The following IQCE variants were observed in gnomAD, a reference collection of about 807,000 sequenced individuals.
IQCE encodes IQ domain-containing protein E.
Under a neutral mutation model 96.0 loss-of-function variants are expected in IQCE, and 115 were observed. That is an observed-to-expected ratio of 1.20 (90% CI 1.03 to 1.40). The LOEUF (loss-of-function observed/expected upper bound fraction) is 1.40. Among genes scored for constraint, IQCE ranks in the 40% most tolerant of loss-of-function variants. IQCE has a pLI of 0.00. For missense variants in IQCE, 1,041 were observed against 909.1 expected (o/e 1.15, Z -1.87); for synonymous variants, 412 against 371.2 (o/e 1.11, Z -1.26).
chr7:2,590,979 G>A (rs1446211687), intron 14 of IQCE, among the ~76,000 whole-genome samples: 7 of 150,076 alleles, frequency 4.7e-5, no homozygotes, highest in African/African-American at 1.7e-4. Flanking sequence ...CCAGCCTGAC[G>A]CAGTGGCTCA....
At chr7:2,578,805 G>A (rs1234682581) in intron 8 of IQCE, among the ~76,000 whole-genome samples, 2 of 152,082 alleles carry the variant, frequency 1.3e-5, no homozygotes, top group South Asian at 2.1e-4. Context: ...CTTAACAAGC[G>A]CTCCCAGCGC....
At chr7:2,596,831 T>C in intron 16 of IQCE, 1 of 399,226 alleles carries the variant, frequency 2.5e-6, no homozygotes, top group Non-Finnish European at 5.3e-6. Flanking sequence ...AGGCTCTTCT[T>C]AGGGTTACAA....
intron 6 of IQCE, among the ~76,000 whole-genome samples, chr7:2,577,280 C>T (rs562819777): frequency 7.2e-5 from 11 of 151,976 alleles, no homozygotes; most frequent in Admixed American, 4.6e-4. Flanking sequence ...GCGGTGTGTG[C>T]GCAGTGGCGT....
At chr7:2,567,822 G>C (rs963332889) in intron 2 of IQCE, among the ~76,000 whole-genome samples, 1 of 152,252 alleles carries the variant, frequency 6.6e-6, no homozygotes, top group Admixed American at 6.5e-5. Context: ...GGGAGCCTCA[G>C]CTCCACTGTC....
At chr7:2,571,986 A>G (rs1781784504) in intron 4 of IQCE, among the ~76,000 whole-genome samples, 1 of 152,128 alleles carries the variant, frequency 6.6e-6, no homozygotes, top group Non-Finnish European at 1.5e-5. Flanking sequence ...AAATATGTAT[A>G]CCGTGGAAAT....
chr7:2,577,890 C>G lies in IQCE; in HGVS notation c.466-352C>G, dbSNP rs1227076732. ...GCGCGGGGACGTGTGTGCGGCGTGC[C>G]CGCAGTGTCGTGTGCGTGGCTGTGC... On this transcript the variant is annotated intron_variant, in intron 6 of 21. Transcript: ENST00000402050. Among the ~76,000 whole-genome samples, 102 of 39,632 alleles carry G rather than the reference C, an allele frequency of 2.6e-3. 7 individuals carry two copies. The highest frequency in any genetic ancestry group is 3.4e-3 in the Admixed American group (11 of 3,194). 26.0% of individuals were successfully genotyped at this position (39,632 alleles called of 152,430 possible).
At chr7:2,587,751 T>TTCC in intron 12 of IQCE, 71 bp from the exon 13 acceptor site, 1 of 1,432,516 alleles carries the variant, frequency 7.0e-7, no homozygotes, top group Non-Finnish European at 9.8e-7. Flanking sequence ...CCTCAGGCCA[T>TTCC]ACCTGAGAAG....
intron 1 of IQCE, among the ~76,000 whole-genome samples, chr7:2,565,954 A>G (rs1583388822): frequency 1.3e-5 from 2 of 152,216 alleles, no homozygotes; most frequent in African/African-American, 4.8e-5. Flanking sequence ...GCAGCCAGGC[A>G]TTTCTAATAC....
chr7:2,578,392 G>A, intron 7 of IQCE, 37 bp downstream of exon 7: 1 of 1,611,250 alleles, frequency 6.2e-7, no homozygotes, highest in Non-Finnish European at 8.5e-7. Flanking sequence ...GGCAAGGGGA[G>A]GGTCCTCGGG....
intron 1 of IQCE, among the ~76,000 whole-genome samples, chr7:2,561,946 G>A (rs1003167861): frequency 6.6e-6 from 1 of 152,208 alleles, no homozygotes; most frequent in African/African-American, 2.4e-5. Context: ...GAATTGAAGT[G>A]ATGAGAAAGG....
chr7:2,587,188 C>T (rs572398368), intron 12 of IQCE, among the ~76,000 whole-genome samples: 1 of 151,964 alleles, frequency 6.6e-6, no homozygotes, highest in Non-Finnish European at 1.5e-5. Flanking sequence ...GACAGAGTTG[C>T]TATTTCCTGA....
intron 18 of IQCE, among the ~76,000 whole-genome samples, chr7:2,602,693 T>G (rs1007228344): frequency 1.3e-5 from 2 of 152,194 alleles, no homozygotes; most frequent in African/African-American, 4.8e-5. Context: ...TTGGCCACAT[T>G]ACTCATCCAC....
chr7:2,589,816 T>G (rs1783437258), intron 13 of IQCE, 91 bp from the exon 14 acceptor site: 1 of 1,282,310 alleles, frequency 7.8e-7, no homozygotes, highest in Admixed American at 1.7e-5. Context: ...GGAGACTCAG[T>G]TTGCCCTGGT....
intron 6 of IQCE, among the ~76,000 whole-genome samples, chr7:2,576,700 C>T (rs1290061891): frequency 1.3e-5 from 2 of 152,068 alleles, no homozygotes; most frequent in Non-Finnish European, 2.9e-5. Flanking sequence ...TGCCCGGCCC[C>T]GACTACACAG....
chr7:2,606,504 G>C (rs1050215988), intron 20 of IQCE, among the ~76,000 whole-genome samples: 1 of 152,192 alleles, frequency 6.6e-6, no homozygotes, highest in Non-Finnish European at 1.5e-5. Flanking sequence ...TGGCCGGGGG[G>C]AGTTTACAGT....
chr7:2,590,779 C>A (rs574496492), intron 14 of IQCE, among the ~76,000 whole-genome samples: 1 of 151,988 alleles, frequency 6.6e-6, no homozygotes, highest in Non-Finnish European at 1.5e-5. Context: ...GTGTAGGGAA[C>A]GGTGGGAGAG....
Position 2,593,038 on chromosome 7 carries a change from C to G in IQCE, c.1261C>G (p.Leu421Val), listed in dbSNP as rs1783731136. ...TGTGTGCAGTTTGGAGGTGAAGCAG[C>G]TCCTGCAGGCGAAGGCCGACCTGGA... ...LLQRDLEVKQ[L>V]LQAKADLEKE... The change falls in exon 15 of 22, where the codon CTC becomes GTC. Residue 421 changes from leucine (L) to valine (V), a missense_variant. Physicochemically the swap from Leu to Val is conservative, Grantham distance 32. Coordinates refer to ENST00000402050, the MANE Select transcript of IQCE (RefSeq NM_152558.5). 1 of 1,607,896 alleles carries G rather than the reference C, an allele frequency of 6.2e-7. No individual in the cohort carries two copies. The highest frequency in any genetic ancestry group is 8.5e-7 in the Non-Finnish European group (1 of 1,175,102).
At chr7:2,570,902 A>C (rs1009913299) in intron 3 of IQCE, among the ~76,000 whole-genome samples, 1 of 152,210 alleles carries the variant, frequency 6.6e-6, no homozygotes, top group African/African-American at 2.4e-5. Flanking sequence ...GCACAAAACG[A>C]TGTGTTCACT....
chr7:2,606,402 G>A (rs1232813856), intron 20 of IQCE, among the ~76,000 whole-genome samples: 1 of 152,108 alleles, frequency 6.6e-6, no homozygotes, highest in Non-Finnish European at 1.5e-5. Context: ...CAGGCGACGC[G>A]TGCAGGGTCT....
Sources: gnomAD v4.1 joint callset for allele counts (sites outside exome capture counted in the v4.1 genomes callset) on GRCh38, gnomAD v4.1.1 for gene constraint, MANE v1.5 for transcripts, NCBI Gene and HGNC (gene_info 2026-07-23, HGNC 2026-07-21) for gene names.